The following CRACD variants were observed in gnomAD, a reference collection of about 807,000 sequenced individuals.
CRACD encodes capping protein-inhibiting regulator of actin dynamics.
Under a neutral mutation model 106.8 loss-of-function variants are expected in CRACD, and 56 were observed. The ratio of observed to expected loss-of-function variants is 0.52; its 90% CI spans 0.42 to 0.66. CRACD has a LOEUF of 0.66. CRACD is among the 30% of genes least tolerant of loss of function. The probability of loss-of-function intolerance (pLI) is 0.00; values close to 1 mark genes in which losing one functional copy is unlikely to be tolerated. For synonymous variants in CRACD, 754 were observed against 670.8 expected (o/e 1.12, Z -1.92); for missense variants, 1,730 against 1,623.2 (o/e 1.07, Z -1.13).
chr4:56,140,507 TA>T (rs1320441416), intron 1 of CRACD, among the ~76,000 whole-genome samples: 3 of 146,770 alleles, frequency 2.0e-5, no homozygotes, highest in Non-Finnish European at 4.5e-5. Flanking sequence ...CATCTTTCTT[TA>T]AAAAGTGTGA....
chr4:56,291,192 G>T (rs1004825024), intron 3 of CRACD, among the ~76,000 whole-genome samples: 1 of 152,184 alleles, frequency 6.6e-6, no homozygotes, highest in East Asian at 1.9e-4. Flanking sequence ...AGGGAAAGTT[G>T]CAGCATTGAA....
chr4:56,186,093 G>A (rs1202096326), intron 2 of CRACD, among the ~76,000 whole-genome samples: 2 of 152,192 alleles, frequency 1.3e-5, no homozygotes, highest in African/African-American at 4.8e-5. Flanking sequence ...CTCTCCATCT[G>A]CCAGACGTAA....
chr4:56,256,054 A>T (rs1365785747), intron 2 of CRACD, among the ~76,000 whole-genome samples: 1 of 152,184 alleles, frequency 6.6e-6, no homozygotes, highest in Non-Finnish European at 1.5e-5. Flanking sequence ...CACAGCTCAC[A>T]CACTTAGAAT....
In CRACD at chr4:56,210,413, C is replaced by T. The variant is rs567355132; in HGVS notation, c.-189+30983C>T. Among the ~76,000 whole-genome samples, 8 of 152,256 alleles carry T rather than the reference C, an allele frequency of 5.3e-5. No individual in the cohort carries two copies. In the South Asian group the frequency reaches 1.7e-3, roughly 32 times the overall value. On this transcript the variant is annotated intron_variant, in intron 2 of 10. Coordinates refer to ENST00000682029, the MANE Select transcript of CRACD (RefSeq NM_001393381.1). ...GACATAACAGACACATAGACAGAAG[C>T]AGATCTTACAGATTTGTAAGATTCC...
chr4:56,079,789 T>G (rs1732961870), intron 1 of CRACD, among the ~76,000 whole-genome samples: 1 of 152,180 alleles, frequency 6.6e-6, no homozygotes, highest in Non-Finnish European at 1.5e-5. Context: ...GTTTTTAAAA[T>G]TGTAAAAAAC....
intron 2 of CRACD, among the ~76,000 whole-genome samples, chr4:56,260,717 C>G (rs1289991799): frequency 6.6e-6 from 1 of 152,176 alleles, no homozygotes; most frequent in African/African-American, 2.4e-5. Context: ...AGAATACATT[C>G]CGCCTTTGGA....
chr4:56,124,756 T>G (rs1421942592), intron 1 of CRACD, among the ~76,000 whole-genome samples: 1 of 152,140 alleles, frequency 6.6e-6, no homozygotes, highest in Non-Finnish European at 1.5e-5. Flanking sequence ...TCCTGTAGAA[T>G]TTCTTATGTT....
At chr4:56,198,899 G>A (rs1737746932) in intron 2 of CRACD, among the ~76,000 whole-genome samples, 1 of 152,168 alleles carries the variant, frequency 6.6e-6, no homozygotes, top group African/African-American at 2.4e-5. Flanking sequence ...AAAATCTGAG[G>A]AGCCATCGAT....
chr4:56,297,366 C>G (rs1203538708), intron 3 of CRACD, among the ~76,000 whole-genome samples: 1 of 152,114 alleles, frequency 6.6e-6, no homozygotes, highest in African/African-American at 2.4e-5. Flanking sequence ...AATGCCAGTG[C>G]TTTGTGAGGA....
At chr4:56,076,287 A>G (rs1179274787) in intron 1 of CRACD, among the ~76,000 whole-genome samples, 2 of 152,148 alleles carry the variant, frequency 1.3e-5, no homozygotes, top group Admixed American at 6.5e-5. Flanking sequence ...TTCAGAAAAT[A>G]CATTTCTGTT....
intron 3 of CRACD, among the ~76,000 whole-genome samples, chr4:56,294,645 G>A (rs577260150): frequency 1.3e-5 from 2 of 152,160 alleles, no homozygotes; most frequent in African/African-American, 4.8e-5. Flanking sequence ...CAGGTGTGGC[G>A]GCTCACGCCT....
At chr4:56,278,394 C>A (rs144445868) in intron 3 of CRACD, among the ~76,000 whole-genome samples, 64 of 152,250 alleles carry the variant, frequency 4.2e-4, no homozygotes, top group Middle Eastern at 3.4e-3. Flanking sequence ...AGTGCTAAGA[C>A]AATTCAATGG....
At chr4:56,126,688 A>C (rs886503967) in intron 1 of CRACD, among the ~76,000 whole-genome samples, 1 of 152,194 alleles carries the variant, frequency 6.6e-6, no homozygotes, top group Non-Finnish European at 1.5e-5. Flanking sequence ...GACCTAGAAA[A>C]ATGCTTGTAC....
intron 1 of CRACD, among the ~76,000 whole-genome samples, chr4:56,124,455 C>T (rs988803557): frequency 1.3e-5 from 2 of 152,148 alleles, no homozygotes; most frequent in Non-Finnish European, 1.5e-5. Flanking sequence ...CTTATCAGAA[C>T]AGGACTCTTT....
In CRACD at chr4:56,127,788, T is replaced by C. The variant is rs193121337; in HGVS notation, c.-335-51496T>C. On this transcript the variant is annotated intron_variant, in intron 1 of 10. Coordinates refer to ENST00000682029, the MANE Select transcript of CRACD (RefSeq NM_001393381.1). ...TATGCAGTTCTTTAGGATTGATGTGTGGTTTCCTGCAGAGACCCTGTTATT... is the reference window on the plus strand; with the variant it reads ...TATGCAGTTCTTTAGGATTGATGTGCGGTTTCCTGCAGAGACCCTGTTATT... Among the ~76,000 whole-genome samples, 14 of 152,302 alleles carry C rather than the reference T, an allele frequency of 9.2e-5. No individual in the cohort carries two copies. The East Asian group carries it at 2.7e-3, about 29-fold the overall frequency.
At chr4:56,296,912 T>TTTTG (rs1560523681) in intron 3 of CRACD, among the ~76,000 whole-genome samples, 3 of 129,858 alleles carry the variant, frequency 2.3e-5, no homozygotes, top group African/African-American at 8.9e-5. Context: ...ATTTCTTTTT[T>TTTTG]TTTGTTTGTT....
At chr4:56,294,532 AT>A (rs534369206) in intron 3 of CRACD, among the ~76,000 whole-genome samples, 202 of 152,374 alleles carry the variant, frequency 1.3e-3, no homozygotes, top group Non-Finnish European at 1.8e-3. Flanking sequence ...AAGATTCAAT[AT>A]TGTAAAAACA....
chr4:56,238,552 A>G lies in CRACD; in HGVS notation c.-188-33769A>G, dbSNP rs1740134833. 2.0e-5 allele frequency among the ~76,000 whole-genome samples: 3 copies of G among 152,232 alleles called. No individual in the cohort carries two copies. The South Asian group carries it at 6.2e-4, about 32-fold the overall frequency. On this transcript the variant is annotated intron_variant, in intron 2 of 10. Coordinates refer to ENST00000682029, the MANE Select transcript of CRACD (RefSeq NM_001393381.1). ...CCCACCTGTCAATGGAACAGCATCA[A>G]CAACTCATTGTAGGAACATGGAGAG...
At chr4:56,098,279 G>C (rs1399448125) in intron 1 of CRACD, among the ~76,000 whole-genome samples, 2 of 152,198 alleles carry the variant, frequency 1.3e-5, no homozygotes, top group Non-Finnish European at 2.9e-5. Context: ...GTACAGTAGA[G>C]TGATAGATTC....
Sources: allele counts gnomAD v4.1 joint callset (sites outside exome capture counted in the v4.1 genomes callset), GRCh38; gene constraint gnomAD v4.1.1; transcripts MANE v1.5; gene names NCBI Gene and HGNC (gene_info 2026-07-23, HGNC 2026-07-21).